The following SYNJ2 variants were observed in gnomAD, a reference collection of about 807,000 sequenced individuals.
SYNJ2 encodes the protein synaptojanin 2, also known as polyphosphatidylinositol phosphatase SYNJ2.
Under a neutral mutation model 141.3 loss-of-function variants are expected in SYNJ2, and 116 were observed. That is an observed-to-expected ratio of 0.82 (90% CI 0.71 to 0.96). The LOEUF is 0.96. Ranked by LOEUF, SYNJ2 falls within the 40% of genes least tolerant of loss-of-function variation. SYNJ2 has a pLI of 0.00. For synonymous variants in SYNJ2, 745 were observed against 777.7 expected (o/e 0.96, Z 0.70); for missense variants, 1,873 against 1,934.8 (o/e 0.97, Z 0.60).
chr6:157,997,015 C>T (rs1777656922), intron 1 of SYNJ2, among the ~76,000 whole-genome samples: 1 of 144,574 alleles, frequency 6.9e-6, no homozygotes, highest in East Asian at 2.0e-4. Context: ...CCTCCGTCTC[C>T]CCACCTACCC....
chr6:158,067,471 A>C (rs1307508865), intron 12 of SYNJ2: 1 of 985,462 alleles, frequency 1.0e-6, no homozygotes. Context: ...TTTATCTTGT[A>C]AGATACACTA....
intron 1 of SYNJ2, among the ~76,000 whole-genome samples, chr6:158,000,550 CAAAT>C (rs1777807178): frequency 6.6e-6 from 1 of 152,150 alleles, no homozygotes; most frequent in South Asian, 2.1e-4. Context: ...CAAACAACAA[CAAAT>C]AAATCAGAAA....
intron 23 of SYNJ2, among the ~76,000 whole-genome samples, chr6:158,087,875 C>CTTTTTT (rs749329722): frequency 2.1e-5 from 2 of 94,496 alleles, no homozygotes; most frequent in African/African-American, 7.7e-5. Flanking sequence ...CAACATACTT[C>CTTTTTT]TTTTTTTTTT....
rs577743398 is a variant in SYNJ2 at position 158,053,807 on chromosome 6, A to G, written c.796-1160A>G. ...CACTCACCCACTTACCTATCCATCC[A>G]TCTTTCATCTACCCATTCACCCACC... On this transcript the variant is annotated intron_variant, in intron 5 of 26. Transcript: ENST00000355585. Among the ~76,000 whole-genome samples the G allele has an allele frequency of 8.2e-5, 12 of 146,650 alleles. No individual in the cohort carries two copies. The South Asian group carries it at 2.4e-3, about 29-fold the overall frequency.
At position 158,040,134 on chromosome 6, in the gene SYNJ2, A is replaced by G. The variant is rs1583382022; in HGVS notation, c.712-3182A>G. On this transcript the variant is annotated intron_variant, in intron 4 of 26. Transcript: ENST00000355585. The surrounding 1 kb of genome is among the most constrained non-coding windows in gnomAD (Gnocchi z 4.2). ...TTTAACATGTTTCCTAGGAGGAATA[A>G]TTAATCTTCTTTCTCTGAGGCAGGC... is the stretch of plus-strand genomic sequence containing the variant. Among the ~76,000 whole-genome samples, 1 of 152,148 alleles carries G rather than the reference A, an allele frequency of 6.6e-6. No homozygotes were observed. Among genetic ancestry groups the G allele is most frequent in the African/African-American group, 2.4e-5 (1 of 41,422 alleles).
intron 8 of SYNJ2, among the ~76,000 whole-genome samples, chr6:158,062,812 T>G (rs1401169707): frequency 1.3e-5 from 2 of 152,220 alleles, no homozygotes; most frequent in African/African-American, 4.8e-5. Flanking sequence ...TTTTTAAGAT[T>G]TAGTACCATG....
Position 158,073,001 on chromosome 6 carries a change from C to T in SYNJ2, c.2133+1207C>T, listed in dbSNP as rs141148764. Among the ~76,000 whole-genome samples, 392 of 148,478 alleles carry T rather than the reference C, an allele frequency of 2.6e-3. 2 individuals are homozygous for T. The highest frequency in any genetic ancestry group is 9.3e-3 in the African/African-American group (376 of 40,296). On this transcript the variant is annotated intron_variant, in intron 15 of 26. Coordinates refer to ENST00000355585, the MANE Select transcript of SYNJ2 (RefSeq NM_003898.4). ...GACAGGAGAATCGCAACCCAGGAGG[C>T]AGAGGTTGCAGTGAGCTGAGATCGC...
At chr6:157,981,782 T>G, upstream of SYNJ2, 1 of 471,324 alleles carries the variant, frequency 2.1e-6, no homozygotes, top group African/African-American at 2.1e-5. This position sits in a 1 kb window ranked among gnomAD's most constrained non-coding sequence, Gnocchi z 6.4. Context: ...TGCCCCAGGC[T>G]GGGGAGGCGC....
chr6:158,081,492 G>C lies in SYNJ2; in HGVS notation c.2847G>C (p.Leu949=). 6.2e-7 allele frequency: 1 copy of C among 1,613,932 alleles called. No individual in the cohort carries two copies. The highest frequency in any genetic ancestry group is 8.5e-7 in the Non-Finnish European group (1 of 1,179,976). ...ACAGTCACTCGGCTCTCAGTGTCCT[G>C]GACGTGGACGGTATGAAGGTACGCT... is the stretch of plus-strand genomic sequence containing the variant. The part of the protein sequence containing the change: ...FADSHSALSV[L]DVDGMKVKGR... The change falls in exon 20 of 27, where the codon CTG becomes CTC. Residue 949 remains leucine, a synonymous_variant. Transcript: ENST00000355585.
At chr6:158,085,274 G>A (rs546348942) in intron 22 of SYNJ2, among the ~76,000 whole-genome samples, 30 of 152,216 alleles carry the variant, frequency 2.0e-4, no homozygotes, top group African/African-American at 6.5e-4. Flanking sequence ...TCCTACCTGG[G>A]CCTTCCAAAG....
chr6:158,093,174 G>A (rs1338226556), intron 26 of SYNJ2, 70 bp downstream of exon 26: 4 of 1,504,364 alleles, frequency 2.7e-6, no homozygotes, highest in African/African-American at 2.8e-5. Flanking sequence ...AAGAATTGTG[G>A]CCTGTAATCC....
rs35047437 is a variant in SYNJ2 at position 158,068,140 on chromosome 6, TAAA to T, written c.1718-490_1718-488del. Among the ~76,000 whole-genome samples, 523 of 126,044 alleles carry T rather than the reference TAAA, an allele frequency of 4.1e-3. 1 individual carries two copies. Among genetic ancestry groups the T allele is most frequent in the African/African-American group, 6.2e-3 (202 of 32,394 alleles). 82.7% of individuals were successfully genotyped at this position (126,044 alleles called of 152,430 possible). On this transcript the variant is annotated intron_variant, in intron 12 of 26. Coordinates refer to ENST00000355585, the MANE Select transcript of SYNJ2 (RefSeq NM_003898.4). ...ACAGAGGGACGGGGATTGTTTTATTTAAAAAAAAAAAAAAAAAAAGCTTTAAGT... is the reference window on the plus strand; with the variant it reads ...ACAGAGGGACGGGGATTGTTTTATTTAAAAAAAAAAAAAAAAGCTTTAAGT...
At chr6:158,058,622 C>T (rs752977397) in intron 6 of SYNJ2, among the ~76,000 whole-genome samples, 1 of 152,164 alleles carries the variant, frequency 6.6e-6, no homozygotes, top group African/African-American at 2.4e-5. Flanking sequence ...CACACATGTG[C>T]ACATTGCATG....
intron 26 of SYNJ2, among the ~76,000 whole-genome samples, chr6:158,093,489 T>C (rs1783606988): frequency 1.3e-5 from 2 of 149,616 alleles, no homozygotes; most frequent in South Asian, 4.2e-4. Context: ...CAGATAAAAA[T>C]CTAGTTCCCT....
At chr6:158,028,606 C>T in intron 2 of SYNJ2, 150 bp from the exon 3 acceptor site, 1 of 1,019,952 alleles carries the variant, frequency 9.8e-7, no homozygotes, top group East Asian at 2.4e-5. Flanking sequence ...GTTCTTGAGC[C>T]ATTGAGTTGG....
At chr6:158,038,832 G>C (rs1317514161) in intron 4 of SYNJ2, among the ~76,000 whole-genome samples, 1 of 152,210 alleles carries the variant, frequency 6.6e-6, no homozygotes, top group Non-Finnish European at 1.5e-5. Context: ...GGAGGTCGAG[G>C]GGAAGCACAG....
intron 5 of SYNJ2, among the ~76,000 whole-genome samples, chr6:158,045,315 A>G (rs531338196): frequency 6.6e-6 from 1 of 152,016 alleles, no homozygotes; most frequent in Admixed American, 6.6e-5. Flanking sequence ...TCACCATGTT[A>G]GCCAGGCTGG....
At chr6:158,034,216 T>A (rs1779521578) in intron 4 of SYNJ2, among the ~76,000 whole-genome samples, 1 of 151,898 alleles carries the variant, frequency 6.6e-6, no homozygotes, top group Non-Finnish European at 1.5e-5. Context: ...TCTCCTGGAG[T>A]TTTTTCTAAA....
chr6:158,019,448 G>C (rs1583328156), intron 2 of SYNJ2, among the ~76,000 whole-genome samples: 2 of 152,332 alleles, frequency 1.3e-5, no homozygotes, highest in South Asian at 4.1e-4. Flanking sequence ...TCAGCTGTGG[G>C]AAATTGGTCC....
Sources: allele counts gnomAD v4.1 joint callset (sites outside exome capture counted in the v4.1 genomes callset), GRCh38; gene constraint gnomAD v4.1.1; non-coding constraint Gnocchi (gnomAD v3.1); transcripts MANE v1.5; gene names NCBI Gene and HGNC (gene_info 2026-07-23, HGNC 2026-07-21).